The following NCOA1 variants were observed in gnomAD, a reference collection of about 807,000 sequenced individuals.
The protein encoded by NCOA1 is Hin-2 protein.
A neutral mutation model predicts 150.9 loss-of-function variants in NCOA1; 35 were observed. That is an observed-to-expected ratio of 0.23 (90% CI 0.18 to 0.31). The LOEUF (loss-of-function observed/expected upper bound fraction) is 0.31. Ranked by LOEUF, NCOA1 falls within the 10% of genes least tolerant of loss-of-function variation. The pLI, the probability that NCOA1 is intolerant of heterozygous loss-of-function variation, is 1.00. For missense variants in NCOA1, 1,491 were observed against 1,749.3 expected (o/e 0.85, Z 2.63); for synonymous variants, 590 against 630.0 (o/e 0.94, Z 0.95).
chr2:24,723,067 T>G (rs1674435668), intron 14 of NCOA1, among the ~76,000 whole-genome samples: 1 of 152,088 alleles, frequency 6.6e-6, no homozygotes, highest in Non-Finnish European at 1.5e-5. Context: ...TTTTAGTGAT[T>G]AAGATATTCA....
intron 3 of NCOA1, among the ~76,000 whole-genome samples, chr2:24,624,747 A>C (rs1669332154): frequency 6.6e-6 from 1 of 152,266 alleles, no homozygotes; most frequent in South Asian, 2.1e-4. Context: ...TCAATATAGA[A>C]TATTTTGAAC....
intron 1 of NCOA1, among the ~76,000 whole-genome samples, chr2:24,550,845 A>G (rs1350466439): frequency 6.6e-6 from 1 of 152,230 alleles, no homozygotes; most frequent in East Asian, 1.9e-4. Context: ...GCAGTGGTTC[A>G]TGCCTGAAAT....
At chr2:24,691,994 A>C (rs1672687611) in intron 9 of NCOA1, among the ~76,000 whole-genome samples, 1 of 152,230 alleles carries the variant, frequency 6.6e-6, no homozygotes, top group African/African-American at 2.4e-5. Context: ...CAGACTGTTG[A>C]ACAGCTCTGA....
chr2:24,522,777 C>G (rs1664469887), intron 1 of NCOA1, among the ~76,000 whole-genome samples: 1 of 152,108 alleles, frequency 6.6e-6, no homozygotes, highest in Non-Finnish European at 1.5e-5. Flanking sequence ...ATAATGTTTT[C>G]TAGTAATTCA....
chr2:24,621,427 G>C (rs566857722), intron 3 of NCOA1, among the ~76,000 whole-genome samples: 1 of 118,592 alleles, frequency 8.4e-6, no homozygotes, highest in Non-Finnish European at 1.7e-5. Context: ...TGTGTATTCA[G>C]GCAGATTTTT....
intron 1 of NCOA1, among the ~76,000 whole-genome samples, chr2:24,550,292 A>G (rs1665772957): frequency 6.6e-6 from 1 of 152,176 alleles, no homozygotes; most frequent in South Asian, 2.1e-4. Flanking sequence ...GAACCAACTT[A>G]CCATATTAGT....
intron 1 of NCOA1, among the ~76,000 whole-genome samples, chr2:24,528,344 C>CTTTTT (rs375096042): frequency 4.6e-4 from 58 of 125,768 alleles, no homozygotes; most frequent in Middle Eastern, 4.0e-3. Flanking sequence ...CAATTTCATT[C>CTTTTT]TTTTTTTTTT....
chr2:24,551,094 CAAAA>C (rs767086071), intron 1 of NCOA1, among the ~76,000 whole-genome samples: 4 of 69,364 alleles, frequency 5.8e-5, no homozygotes, highest in Admixed American at 1.6e-4. Flanking sequence ...GACTTTGTCT[CAAAA>C]AAAAAAAAAA....
At chr2:24,555,814 C>T (rs529920154) in intron 1 of NCOA1, among the ~76,000 whole-genome samples, 173 of 152,190 alleles carry the variant, frequency 1.1e-3, no homozygotes, top group African/African-American at 3.6e-3. Context: ...CTTTTCTCTT[C>T]GTATTTAAAG....
chr2:24,591,513 C>T (rs1025729297), intron 3 of NCOA1, among the ~76,000 whole-genome samples: 12 of 152,174 alleles, frequency 7.9e-5, no homozygotes, highest in African/African-American at 2.7e-4. Flanking sequence ...AAGTTAGCTT[C>T]CATTATTACT....
At chr2:24,542,727 G>C (rs1324214284) in intron 1 of NCOA1, among the ~76,000 whole-genome samples, 1 of 152,136 alleles carries the variant, frequency 6.6e-6, no homozygotes, top group East Asian at 1.9e-4. Flanking sequence ...CACTGTCATT[G>C]ACATACAAAG....
chr2:24,546,067 G>T (rs549670054), intron 1 of NCOA1, among the ~76,000 whole-genome samples: 1 of 152,198 alleles, frequency 6.6e-6, no homozygotes, highest in African/African-American at 2.4e-5. Flanking sequence ...GTGATTACAG[G>T]CATGAGCCAC....
At chr2:24,641,362 T>C (rs988207010) in intron 3 of NCOA1, among the ~76,000 whole-genome samples, 4 of 151,796 alleles carry the variant, frequency 2.6e-5, no homozygotes, top group Admixed American at 2.6e-4. Flanking sequence ...ACATACTTCT[T>C]TTAAAGAATA....
At chr2:24,722,398 ACTATCTTCAAATCC>A (rs1382138070) in intron 14 of NCOA1, among the ~76,000 whole-genome samples, 1 of 152,170 alleles carries the variant, frequency 6.6e-6, no homozygotes, top group Non-Finnish European at 1.5e-5. Flanking sequence ...TGTCCTTTTG[ACTATCTTCAAATCC>A]CTATTGTTTG....
At chr2:24,567,204 T>C (rs1404192323) in intron 2 of NCOA1, among the ~76,000 whole-genome samples, 1 of 152,214 alleles carries the variant, frequency 6.6e-6, no homozygotes, top group Non-Finnish European at 1.5e-5. Context: ...GAAAAAGAGG[T>C]TACTTTGATG....
intron 1 of NCOA1, among the ~76,000 whole-genome samples, chr2:24,517,241 C>T (rs1365140548): frequency 6.6e-6 from 1 of 151,712 alleles, no homozygotes; most frequent in Non-Finnish European, 1.5e-5. Context: ...ACTATATTTT[C>T]TGCTGTGAGT....
chr2:24,690,869 T>G (rs565956953), intron 8 of NCOA1, among the ~76,000 whole-genome samples: 22 of 152,210 alleles, frequency 1.4e-4, no homozygotes, highest in African/African-American at 4.8e-4. Flanking sequence ...ATAATAATAT[T>G]GATTATCCAC....
intron 1 of NCOA1, among the ~76,000 whole-genome samples, chr2:24,507,932 A>C (rs1663776089): frequency 6.6e-6 from 1 of 152,174 alleles, no homozygotes; most frequent in South Asian, 2.1e-4. Flanking sequence ...AACGGTCTCA[A>C]ATCCTTTTTG....
chr2:24,532,746 A>G lies in NCOA1; in HGVS notation c.-395-31549A>G, dbSNP rs1008888314. On this transcript the variant is annotated intron_variant, in intron 1 of 22. Coordinates refer to ENST00000348332, the MANE Select transcript of NCOA1 (RefSeq NM_003743.5). ...ATTGCTTGTTTTCATCAGGTTTGTCAAAGATCAGATGGTTGTAGATGTGTG... is the reference window on the plus strand; with the variant it reads ...ATTGCTTGTTTTCATCAGGTTTGTCGAAGATCAGATGGTTGTAGATGTGTG... Among the ~76,000 whole-genome samples, 31 of 152,318 alleles carry G rather than the reference A, an allele frequency of 2.0e-4. 1 individual carries two copies. Among genetic ancestry groups the G allele is most frequent in the Admixed American group, 1.7e-3 (26 of 15,304 alleles).
Sources: gnomAD v4.1 joint callset for allele counts (sites outside exome capture counted in the v4.1 genomes callset) on GRCh38, gnomAD v4.1.1 for gene constraint, MANE v1.5 for transcripts, NCBI Gene and HGNC (gene_info 2026-07-23, HGNC 2026-07-21) for gene names.